ELANE: variants seen among roughly 807,000 people sequenced by gnomAD.
The protein encoded by ELANE is neutrophil elastase.
ELANE carries 12 observed loss-of-function variants against 20.6 expected under a neutral mutation model. That is an observed-to-expected ratio of 0.58 (90% CI 0.37 to 0.94). The LOEUF (loss-of-function observed/expected upper bound fraction) is 0.94. Ranked by LOEUF, ELANE falls within the 40% of genes least tolerant of loss-of-function variation. ELANE has a pLI of 0.01. For missense variants in ELANE, 388 were observed against 395.2 expected, an observed-to-expected ratio of 0.98 and a Z score of 0.15; for synonymous variants, 203 against 177.4, an observed-to-expected ratio of 1.14 and a Z score of -1.15.
At chr19:854,077 G>T (rs2035636068) in intron 3 of ELANE, among the ~76,000 whole-genome samples, 1 of 152,220 alleles carries the variant, frequency 6.6e-6, no homozygotes, top group Admixed American at 6.5e-5. Context: ...CCAGGGCAGG[G>T]GCCGCCTCTG....
chr19:856,071 G>C lies in ELANE; in HGVS notation c.711G>C (p.Gln237His). ...LYPDAFAPVA[Q>H]FVNWIDSIIQ... Reference sequence around the variant, plus strand: ...CCGATGCCTTTGCCCCGGTGGCACAGTTTGTAAACTGGATCGACTCTATCA... The same window carrying C: ...CCGATGCCTTTGCCCCGGTGGCACACTTTGTAAACTGGATCGACTCTATCA... Residue 237 changes from glutamine to histidine, a missense_variant, in exon 5 of 5, where the codon CAG becomes CAC. Physicochemically the swap from Gln to His is conservative, Grantham distance 24. Coordinates refer to ENST00000263621, the MANE Select transcript of ELANE (RefSeq NM_001972.4). 6.2e-7 allele frequency: 1 copy of C among 1,612,562 alleles called. No homozygotes were observed. The highest frequency in any genetic ancestry group is 1.1e-5 in the South Asian group (1 of 91,080).
Position 853,250 on chromosome 19 carries a change from C to G in ELANE, c.225-12C>G, listed in dbSNP as rs778939927. On this transcript the variant is annotated splice_polypyrimidine_tract_variant and intron_variant, in intron 2 of 4. Coordinates refer to ENST00000263621, the MANE Select transcript of ELANE (RefSeq NM_001972.4). ...GGGCCGCCCCTGAGCCCCGCCTCTC[C>G]CTCCCCGGCAGAAACGTCCGCGCGG... 2 of 1,587,448 alleles carry G rather than the reference C, an allele frequency of 1.3e-6. No homozygotes were observed. Among genetic ancestry groups the G allele is most frequent in the South Asian group, 1.1e-5 (1 of 87,914 alleles).
chr19:856,206 C>G lies in ELANE; in HGVS notation c.*42C>G, dbSNP rs199735884. 8 of 1,597,192 alleles carry G rather than the reference C, an allele frequency of 5.0e-6. No individual in the cohort carries two copies. The highest frequency in any genetic ancestry group is 6.0e-6 in the Non-Finnish European group (7 of 1,166,172). ...CACCTCAGCTGCCCACACCCACACTCTCCAGCATCTGGCACAATAAACATT... is the reference window on the plus strand; with the variant it reads ...CACCTCAGCTGCCCACACCCACACTGTCCAGCATCTGGCACAATAAACATT... On this transcript the variant is annotated 3_prime_UTR_variant, in exon 5 of 5. Transcript: ENST00000263621.
At chr19:852,847 C>T (rs962687546) in intron 1 of ELANE, 29 bp from the exon 2 acceptor site, 35 of 1,589,682 alleles carry the variant, frequency 2.2e-5, no homozygotes, top group Middle Eastern at 1.8e-4. Flanking sequence ...TTGGCAGGCA[C>T]TCAGCACCCG....
chr19:852,985 G>A lies in ELANE; in HGVS notation c.177G>A (p.Leu59=). Reference sequence around the variant, plus strand: ...GAGGCCACTTCTGCGGCGCCACCCTGATTGCGCCCAACTTCGTCATGTCGG... The same window carrying A: ...GAGGCCACTTCTGCGGCGCCACCCTAATTGCGCCCAACTTCGTCATGTCGG... ...LRGGHFCGAT[L]IAPNFVMSAA... is the part of the protein sequence containing the mutation. Residue 59 remains leucine, a synonymous_variant, in exon 2 of 5, where the codon CTG becomes CTA. Coordinates refer to ENST00000263621, the MANE Select transcript of ELANE (RefSeq NM_001972.4). The A allele has an allele frequency of 6.3e-7, 1 of 1,582,354 alleles. No individual in the cohort carries two copies. Among genetic ancestry groups the A allele is most frequent in the Non-Finnish European group, 8.5e-7 (1 of 1,171,038 alleles).
In ELANE at chr19:855,987, C is replaced by T. The variant is rs201664319; in HGVS notation, c.627C>T (p.Asn209=). The part of the protein sequence containing the change: ...FGDSGSPLVC[N]GLIHGIASFV... ...ACTCCGGCAGCCCCTTGGTCTGCAA[C>T]GGGCTAATCCACGGAATTGCCTCCT... Residue 209 remains asparagine, a synonymous_variant, in exon 5 of 5, where the codon AAC becomes AAT. Transcript: ENST00000263621. This position sits in a 1 kb window ranked among gnomAD's most constrained non-coding sequence, Gnocchi z 6.2. 7.7e-5 allele frequency: 124 copies of T among 1,613,412 alleles called. 1 individual carries two copies. In the Middle Eastern group the frequency reaches 8.2e-4, roughly 11 times the overall value.
At chr19:852,489 C>T in intron 1 of ELANE, 94 bp downstream of exon 1, 2 of 1,472,616 alleles carry the variant, frequency 1.4e-6, no homozygotes, top group South Asian at 2.4e-5. Flanking sequence ...GGTCCCTCAT[C>T]CTCACAGGGG....
rs774457980 is a variant in ELANE, at chr19:855,600, G to T, written c.403G>T (p.Val135Leu). 1.9e-6 allele frequency: 3 copies of T among 1,601,298 alleles called. No homozygotes were observed. The highest frequency in any genetic ancestry group is 2.5e-6 in the Non-Finnish European group (3 of 1,179,818). The change falls in exon 4 of 5, where the codon GTG becomes TTG. Residue 135 changes from valine to leucine, a missense_variant. Coordinates refer to ENST00000263621, the MANE Select transcript of ELANE (RefSeq NM_001972.4). The surrounding 1 kb of genome is among the most constrained non-coding windows in gnomAD (Gnocchi z 6.2). ...GGCCACCATCAACGCCAACGTGCAG[G>T]TGGCCCAGCTGCCGGCTCAGGGACG... ...GSATINANVQ[V>L]AQLPAQGRRL...
Position 855,803 on chromosome 19 carries a change from C to T in ELANE, c.597+9C>T, listed in dbSNP as rs1281729988. ...AGGCCGGCGTCTGTTTCGTACGTGCCCTGGGTGTCCCTCTGCTCCCCACCC... is the reference window on the plus strand; with the variant it reads ...AGGCCGGCGTCTGTTTCGTACGTGCTCTGGGTGTCCCTCTGCTCCCCACCC... On this transcript the variant is annotated intron_variant, in intron 4 of 4. Coordinates refer to ENST00000263621, the MANE Select transcript of ELANE (RefSeq NM_001972.4). The surrounding 1 kb of genome is among the most constrained non-coding windows in gnomAD (Gnocchi z 6.2). 2 of 1,608,094 alleles carry T rather than the reference C, an allele frequency of 1.2e-6. No individual in the cohort carries two copies. The highest frequency in any genetic ancestry group is 1.7e-6 in the Non-Finnish European group (2 of 1,179,864).
Position 855,859 on chromosome 19 carries a change from C to T in ELANE, c.597+65C>T, listed in dbSNP as rs960168587. The T allele has an allele frequency of 4.3e-5, 69 of 1,603,820 alleles. No homozygotes were observed. Among genetic ancestry groups the T allele is most frequent in the Middle Eastern group, 2.2e-4 (1 of 4,648 alleles). Reference sequence around the variant, plus strand: ...CAGCCCGGACTGCAGCAACAGGCACCGTGGCTAGACCCTAGGAGGGACTTC... The same window carrying T: ...CAGCCCGGACTGCAGCAACAGGCACTGTGGCTAGACCCTAGGAGGGACTTC... On this transcript the variant is annotated intron_variant, in intron 4 of 4. Transcript: ENST00000263621. This position sits in a 1 kb window ranked among gnomAD's most constrained non-coding sequence, Gnocchi z 6.2.
chr19:852,327 C>G lies in ELANE; in HGVS notation c.-2C>G. 6.2e-7 allele frequency: 1 copy of G among 1,608,826 alleles called. No homozygotes were observed. Among genetic ancestry groups the G allele is most frequent in the Non-Finnish European group, 8.5e-7 (1 of 1,179,768 alleles). ...CAGAGACCCCGGAGCCCCAGCCCCA[C>G]CATGACCCTCGGCCGCCGACTCGCG... On this transcript the variant is annotated 5_prime_UTR_variant, in exon 1 of 5. Transcript: ENST00000263621.
At chr19:852,436 C>T (rs1381115103) in intron 1 of ELANE, 41 bp downstream of exon 1, 11 of 1,591,092 alleles carry the variant, frequency 6.9e-6, no homozygotes, top group Middle Eastern at 1.7e-4. Flanking sequence ...CCCTCTGTCC[C>T]GGGTTCTGTT....
Position 855,121 on chromosome 19 carries a change from G to A in ELANE, c.367-443G>A, listed in dbSNP as rs1375238406. ...GCCCACCTCAGCCTCCCAAAATGCT[G>A]GGATTATAGGCGTGAGCCACCGCAC... On this transcript the variant is annotated intron_variant, in intron 3 of 4. Coordinates refer to ENST00000263621, the MANE Select transcript of ELANE (RefSeq NM_001972.4). The surrounding 1 kb of genome is among the most constrained non-coding windows in gnomAD (Gnocchi z 6.2). Among the ~76,000 whole-genome samples, 1 of 151,988 alleles carries A rather than the reference G, an allele frequency of 6.6e-6. No individual in the cohort carries two copies. The highest frequency in any genetic ancestry group is 1.5e-5 in the Non-Finnish European group (1 of 67,998).
Position 855,903 on chromosome 19 carries a change from G to A in ELANE, c.598-55G>A, listed in dbSNP as rs1035577053. On this transcript the variant is annotated intron_variant, in intron 4 of 4. Transcript: ENST00000263621. This position sits in a 1 kb window ranked among gnomAD's most constrained non-coding sequence, Gnocchi z 6.2. ...GGACTTCCCAACCCTGACAGGCGGC[G>A]GGCAGGTGGGCAGGGCCTCGCAGTC... 31 of 1,609,350 alleles carry A rather than the reference G, an allele frequency of 1.9e-5. No individual in the cohort carries two copies. Among genetic ancestry groups the A allele is most frequent in the Admixed American group, 1.2e-4 (7 of 59,974 alleles).
chr19:853,154 C>T, intron 2 of ELANE, 108 bp from the exon 3 acceptor site: 3 of 1,465,110 alleles, frequency 2.0e-6, no homozygotes, highest in Non-Finnish European at 2.7e-6. Flanking sequence ...CCGCGGGGCC[C>T]CTCGAGCACC....
At position 852,780 on chromosome 19, in the gene ELANE, C is replaced by A. The variant is rs1599290552; in HGVS notation, c.68-96C>A. On this transcript the variant is annotated intron_variant, in intron 1 of 4. Coordinates refer to ENST00000263621, the MANE Select transcript of ELANE (RefSeq NM_001972.4). ...ATCCCGTGGGTTCCCGGTGGGGGAT[C>A]CCGTGGGTTCCTGGTGGGGGATCCA... is the stretch of plus-strand genomic sequence containing the variant. 16 of 1,488,026 alleles carry A rather than the reference C, an allele frequency of 1.1e-5. No individual in the cohort carries two copies. In the East Asian group the frequency reaches 3.8e-4, roughly 35 times the overall value. The allele number at this position is 1,488,026 out of a possible 1,614,324, so 92.2% of individuals were successfully genotyped here. A position where few individuals can be genotyped will look rare whatever the true frequency, so the allele number is the denominator to read the frequency against.
At position 853,030 on chromosome 19, in the gene ELANE, T is replaced by G; in HGVS notation, c.222T>G (p.Asn74Lys). The G allele has an allele frequency of 6.4e-7, 1 of 1,559,070 alleles. No individual in the cohort carries two copies. The highest frequency in any genetic ancestry group is 1.2e-5 in the South Asian group (1 of 86,262). The change falls in exon 2 of 5, where the codon AAT becomes AAG. Residue 74 changes from asparagine to lysine, a missense_variant and splice_region_variant. Around this residue, in one of 3 missense-constraint regions of ELANE, gnomAD observed 321 missense variants for 309.8 expected, o/e 1.04. Coordinates refer to ENST00000263621, the MANE Select transcript of ELANE (RefSeq NM_001972.4). ...FVMSAAHCVANVNVRAVRVVL... is the reference protein window; with the variant it reads ...FVMSAAHCVAKVNVRAVRVVL... ...TGTCGGCCGCGCACTGCGTGGCGAA[T>G]GTGTGAGTAGCCGGGAGTGTGCGCG...
chr19:854,379 C>A (rs1285813972), intron 3 of ELANE, among the ~76,000 whole-genome samples: 1 of 150,502 alleles, frequency 6.6e-6, no homozygotes, highest in Non-Finnish European at 1.5e-5. Context: ...ACCCCGGAGG[C>A]GGAGATTGCA....
rs1463399744 is a variant in ELANE at position 855,499 on chromosome 19, G to A, written c.367-65G>A. On this transcript the variant is annotated intron_variant, in intron 3 of 4. Transcript: ENST00000263621. This position sits in a 1 kb window ranked among gnomAD's most constrained non-coding sequence, Gnocchi z 6.2. ...ACCTGAGATGGGGAAACTGAGGCCC[G>A]GAGAGGGGAGGGTCATCATCACTGC... The A allele has an allele frequency of 1.6e-5, 25 of 1,536,176 alleles. No individual in the cohort carries two copies. The highest frequency in any genetic ancestry group is 1.2e-5 in the Non-Finnish European group (14 of 1,135,300).
Sources: gnomAD v4.1 joint callset for allele counts (sites outside exome capture counted in the v4.1 genomes callset) on GRCh38, gnomAD v4.1.1 for gene constraint, gnomAD v4.1.1 regional missense constraint, Gnocchi (gnomAD v3.1) non-coding constraint, MANE v1.5 for transcripts, NCBI Gene and HGNC (gene_info 2026-07-23, HGNC 2026-07-21) for gene names.